RIMS2: variants seen among roughly 807,000 people sequenced by gnomAD.
RIMS2 encodes regulating synaptic membrane exocytosis 2, also known as regulating synaptic membrane exocytosis protein 2.
In RIMS2, 59 loss-of-function variants were observed where a neutral mutation model predicts 174.4. That is an observed-to-expected ratio of 0.34 (90% confidence interval 0.27 to 0.42). The LOEUF (loss-of-function observed/expected upper bound fraction) is 0.42. Ranked by LOEUF, RIMS2 falls within the 10% of genes least tolerant of loss-of-function variation. The probability of loss-of-function intolerance (pLI) is 1.00; values close to 1 mark genes in which losing one functional copy is unlikely to be tolerated. For synonymous variants in RIMS2, 606 were observed against 572.5 expected, an observed-to-expected ratio of 1.06 and a Z score of -0.84; for missense variants, 1,620 against 1,666.3, an observed-to-expected ratio of 0.97 and a Z score of 0.48.
exon 19 of RIMS2, chr8:104,014,507 T>C: frequency 6.3e-7 from 1 of 1,583,596 alleles, no homozygotes; most frequent in Non-Finnish European, 8.7e-7. Context: ...TGTCTTTAGG[T>C]CTCATCCTCG....
intron 3 of RIMS2, among the ~76,000 whole-genome samples, chr8:103,860,285 G>C (rs992187035): frequency 6.6e-6 from 1 of 152,090 alleles, no homozygotes; most frequent in African/African-American, 2.4e-5. Flanking sequence ...CCAAATTTAG[G>C]CTTTGTTACT....
chr8:104,160,227 T>C (rs1017672601), intron 19 of RIMS2, among the ~76,000 whole-genome samples: 7 of 152,186 alleles, frequency 4.6e-5, no homozygotes, highest in Non-Finnish European at 8.8e-5. Flanking sequence ...TATAAATTTC[T>C]TGAGGGAAGG....
intron 2 of RIMS2, among the ~76,000 whole-genome samples, chr8:103,757,563 A>G (rs1182723247): frequency 6.6e-6 from 1 of 152,060 alleles, no homozygotes; most frequent in Non-Finnish European, 1.5e-5. Flanking sequence ...AATTTTGTCT[A>G]TGGTAGGCAG....
chr8:103,991,659 A>G (rs2154550651), intron 17 of RIMS2, among the ~76,000 whole-genome samples: 1 of 152,258 alleles, frequency 6.6e-6, no homozygotes, highest in African/African-American at 2.4e-5. Context: ...AGGTCTTTTG[A>G]GAGGTACAAT....
At chr8:103,533,661 C>CAA (rs34355378) in intron 1 of RIMS2, among the ~76,000 whole-genome samples, 5,312 of 65,438 alleles carry the variant, frequency 0.081, 273 homozygotes, top group Middle Eastern at 0.12. Flanking sequence ...GACCCTGTCT[C>CAA]AAAAAAAAAA....
At position 104,240,798 on chromosome 8, in the gene RIMS2, A is replaced by G. The variant is rs551040021; in HGVS notation, c.3335-4118A>G. ...ACAAGTTAGTGGTAGAGTCAGACCT[A>G]GAATACATAGTTTCAAATTCTGTAT... On this transcript the variant is annotated intron_variant, in intron 19 of 23. Coordinates refer to ENST00000504942, the Ensembl canonical transcript of RIMS2. Among the ~76,000 whole-genome samples, 14 of 152,308 alleles carry G rather than the reference A, an allele frequency of 9.2e-5. No individual in the cohort carries two copies. In the East Asian group the frequency reaches 2.7e-3, roughly 29 times the overall value.
At chr8:104,240,584 T>A (rs1415142574) in intron 19 of RIMS2, among the ~76,000 whole-genome samples, 3 of 152,256 alleles carry the variant, frequency 2.0e-5, no homozygotes. Context: ...CAGATGATAG[T>A]GATTAGCATA....
At chr8:103,797,204 A>G (rs2154448170) in intron 3 of RIMS2, among the ~76,000 whole-genome samples, 1 of 152,256 alleles carries the variant, frequency 6.6e-6, no homozygotes, top group Non-Finnish European at 1.5e-5. Flanking sequence ...TAACTCAAGT[A>G]TTCCTAGTTA....
chr8:103,509,150 G>C (rs1260937394), intron 1 of RIMS2, among the ~76,000 whole-genome samples: 1 of 152,016 alleles, frequency 6.6e-6, no homozygotes, highest in Non-Finnish European at 1.5e-5. Context: ...AAGGGACAAA[G>C]AAGAAAAGAA....
intron 3 of RIMS2, among the ~76,000 whole-genome samples, chr8:103,871,902 A>T (rs1215390123): frequency 6.6e-6 from 1 of 152,112 alleles, no homozygotes; most frequent in Non-Finnish European, 1.5e-5. Context: ...TGACTGAGTT[A>T]TTGCTAAATG....
chr8:104,041,238 C>A, intron 19 of RIMS2, 88 bp from the exon 22 acceptor site: 1 of 539,756 alleles, frequency 1.9e-6, no homozygotes, highest in Admixed American at 2.8e-5. Flanking sequence ...GAGGCCCTTT[C>A]CATCAGTGTC....
At chr8:103,745,016 A>G (rs2097795112) in intron 2 of RIMS2, among the ~76,000 whole-genome samples, 1 of 152,162 alleles carries the variant, frequency 6.6e-6, no homozygotes, top group Admixed American at 6.6e-5. Flanking sequence ...ACATTAAAAC[A>G]TTTTTTAGTT....
At chr8:103,614,273 G>A (rs1361783572) in intron 1 of RIMS2, among the ~76,000 whole-genome samples, 2 of 152,270 alleles carry the variant, frequency 1.3e-5, no homozygotes, top group Non-Finnish European at 2.9e-5. Context: ...CCATGCATGG[G>A]CACTGGCGGA....
intron 3 of RIMS2, among the ~76,000 whole-genome samples, chr8:103,800,632 C>T (rs532635689): frequency 5.9e-5 from 9 of 152,242 alleles, no homozygotes; most frequent in African/African-American, 2.2e-4. Context: ...GTGAATTACA[C>T]TGATTGTTTT....
chr8:103,645,267 A>C (rs2096303936), intron 1 of RIMS2, among the ~76,000 whole-genome samples: 1 of 152,108 alleles, frequency 6.6e-6, no homozygotes, highest in African/African-American at 2.4e-5. Flanking sequence ...TAAATACTAA[A>C]TGATGTGACT....
At chr8:103,652,220 C>T (rs777781694) in intron 1 of RIMS2, 4 of 1,349,024 alleles carry the variant, frequency 3.0e-6, no homozygotes, top group Non-Finnish European at 2.9e-6. Flanking sequence ...AAGAAGAACA[C>T]AAACCACAAC....
At chr8:104,004,231 A>G (rs567344797) in intron 17 of RIMS2, among the ~76,000 whole-genome samples, 1 of 152,228 alleles carries the variant, frequency 6.6e-6, no homozygotes, top group Non-Finnish European at 1.5e-5. Flanking sequence ...GTAAGCAGTC[A>G]TAAAAAGTAA....
At chr8:103,776,984 A>C (rs1232848364) in intron 3 of RIMS2, among the ~76,000 whole-genome samples, 2 of 152,136 alleles carry the variant, frequency 1.3e-5, no homozygotes, top group African/African-American at 4.8e-5. Flanking sequence ...AAGTGTTGAC[A>C]TTTTAAAAGG....
intron 1 of RIMS2, among the ~76,000 whole-genome samples, chr8:103,538,696 T>G (rs1162772289): frequency 6.6e-6 from 1 of 152,090 alleles, no homozygotes; most frequent in Non-Finnish European, 1.5e-5. Flanking sequence ...TTTATATTTT[T>G]AGTAGAGACA....
Sources: gnomAD v4.1 joint callset for allele counts (sites outside exome capture counted in the v4.1 genomes callset) on GRCh38, gnomAD v4.1.1 for gene constraint, MANE v1.5 for transcripts, NCBI Gene and HGNC (gene_info 2026-07-23, HGNC 2026-07-21) for gene names.